ZFHX3: variants seen among roughly 807,000 people sequenced by gnomAD.
ZFHX3 encodes the protein zinc finger homeobox 3.
Under a neutral mutation model 279.1 loss-of-function variants are expected in ZFHX3, and 42 were observed. The observed-to-expected ratio is 0.15, with a 90% CI of 0.12 to 0.19. The LOEUF (loss-of-function observed/expected upper bound fraction) is 0.19, where lower values mean the gene tolerates loss of function less well. Ranked by LOEUF, ZFHX3 falls within the 10% of genes least tolerant of loss-of-function variation. The probability of loss-of-function intolerance (pLI) is 1.00; values close to 1 mark genes in which losing one functional copy is unlikely to be tolerated. For missense variants in ZFHX3, 4,981 were observed against 4,754.0 expected, an observed-to-expected ratio of 1.05 and a Z score of -1.40; for synonymous variants, 2,293 against 1,957.8, an observed-to-expected ratio of 1.17 and a Z score of -4.52.
At chr16:73,604,260 AT>A (rs200204826) in intron 2 of ZFHX3, among the ~76,000 whole-genome samples, 2,283 of 151,612 alleles carry the variant, frequency 0.015, 53 homozygotes, top group African/African-American at 0.052. Flanking sequence ...TTTTTCCCCC[AT>A]TTTTTCCCCC....
intron 5 of ZFHX3, among the ~76,000 whole-genome samples, chr16:73,171,025 A>C (rs929461529): frequency 2.0e-5 from 3 of 152,100 alleles, no homozygotes; most frequent in Admixed American, 6.6e-5. Context: ...CCTGTTATGA[A>C]CTAATTAAAA....
intron 2 of ZFHX3, among the ~76,000 whole-genome samples, chr16:73,483,131 AG>A (rs749652296): frequency 1.1e-4 from 16 of 152,144 alleles, no homozygotes; most frequent in Non-Finnish European, 5.9e-5. Flanking sequence ...GGATCAGCTT[AG>A]GGTCTGGGGG....
chr16:72,985,478 T>C (rs1962805434), intron 1 of ZFHX3, among the ~76,000 whole-genome samples: 1 of 152,134 alleles, frequency 6.6e-6, no homozygotes, highest in Non-Finnish European at 1.5e-5. Flanking sequence ...CACACGTCAA[T>C]TTTTCCCCAG....
chr16:73,093,437 T>G, exon 8 of ZFHX3: 1 of 487,206 alleles, frequency 2.1e-6, no homozygotes, highest in South Asian at 1.5e-5. Context: ...GAGGGCCCCT[T>G]TCGCTCAGCT....
At chr16:73,691,949 G>T (rs9935126) in intron 1 of ZFHX3, among the ~76,000 whole-genome samples, 17,183 of 152,138 alleles carry the variant, frequency 0.11, 1,027 homozygotes, top group African/African-American at 0.13. Flanking sequence ...ACTTCATAGG[G>T]TTTCAAATTT....
At chr16:72,982,695 G>A (rs1029535220) in intron 1 of ZFHX3, among the ~76,000 whole-genome samples, 5 of 152,136 alleles carry the variant, frequency 3.3e-5, no homozygotes, top group South Asian at 2.1e-4. Flanking sequence ...TGGAGGGCCC[G>A]AGAAACAAAT....
At position 73,761,868 on chromosome 16, in the gene ZFHX3, A is replaced by G. The variant is rs373757793; in HGVS notation, c.-1607-81628T>C. ...TAAAGACTTAAATGTAAAGCCCTAA[A>G]CCATAAAAACGCTAGAAAAAAATCT... is the stretch of plus-strand genomic sequence containing the variant. On this transcript the variant is annotated intron_variant, in intron 1 of 17. Coordinates refer to the ZFHX3 transcript ENST00000641206. Among the ~76,000 whole-genome samples, 11 of 152,186 alleles carry G rather than the reference A, an allele frequency of 7.2e-5. No homozygotes were observed. The East Asian group carries it at 1.7e-3, about 24-fold the overall frequency.
At chr16:73,542,098 C>A (rs2020026362) in intron 2 of ZFHX3, among the ~76,000 whole-genome samples, 2 of 151,954 alleles carry the variant, frequency 1.3e-5, no homozygotes, top group African/African-American at 4.8e-5. Flanking sequence ...CCGCGCCCGG[C>A]CCTGTTTGGT....
intron 2 of ZFHX3, among the ~76,000 whole-genome samples, chr16:73,666,765 T>C (rs1366138908): frequency 6.6e-6 from 1 of 151,836 alleles, no homozygotes; most frequent in Non-Finnish European, 1.5e-5. Context: ...TACTCTCAAG[T>C]CAATCCATCT....
chr16:73,082,081 C>T (rs2144766771), intron 8 of ZFHX3, among the ~76,000 whole-genome samples: 1 of 152,052 alleles, frequency 6.6e-6, no homozygotes, highest in African/African-American at 2.4e-5. Context: ...AGGTGATCCA[C>T]CCGCCTCAGT....
At chr16:73,734,160 G>A (rs530745188) in intron 1 of ZFHX3, among the ~76,000 whole-genome samples, 54 of 152,132 alleles carry the variant, frequency 3.5e-4, no homozygotes, top group Non-Finnish European at 7.1e-4. Flanking sequence ...TGGAGCTCAG[G>A]TGGTAATGCT....
upstream of ZFHX3, chr16:73,060,149 A>G (rs1227926149): frequency 6.6e-6 from 1 of 151,928 alleles, no homozygotes; most frequent in Non-Finnish European, 1.5e-5. Context: ...ATAAGAGAGA[A>G]AGCCAATATA....
chr16:73,654,069 A>T (rs2142168379), intron 2 of ZFHX3, among the ~76,000 whole-genome samples: 1 of 152,034 alleles, frequency 6.6e-6, no homozygotes, highest in Admixed American at 6.5e-5. Flanking sequence ...CTGTAGTCCC[A>T]GCTACTCAGG....
intron 2 of ZFHX3, among the ~76,000 whole-genome samples, chr16:73,641,139 A>G (rs1445313151): frequency 6.6e-6 from 1 of 152,218 alleles, no homozygotes; most frequent in Non-Finnish European, 1.5e-5. Context: ...TTAGACAGTT[A>G]AGTTCTCAAG....
intron 3 of ZFHX3, among the ~76,000 whole-genome samples, chr16:73,346,892 C>T (rs553900785): frequency 6.6e-6 from 1 of 152,274 alleles, no homozygotes; most frequent in Admixed American, 6.5e-5. Flanking sequence ...TAACTATTTA[C>T]CACTGTTGTA....
intron 3 of ZFHX3, among the ~76,000 whole-genome samples, chr16:73,449,882 CA>C (rs141005043): frequency 1.5e-4 from 23 of 149,814 alleles, no homozygotes; most frequent in South Asian, 1.5e-3. Context: ...TATATTCTGG[CA>C]AAAAAAAATG....
At chr16:72,886,052 AT>A (rs2038614336) in intron 4 of ZFHX3, among the ~76,000 whole-genome samples, 1 of 152,174 alleles carries the variant, frequency 6.6e-6, no homozygotes, top group South Asian at 2.1e-4. Context: ...CAGGTCCATA[AT>A]GTCCGTTCTC....
chr16:73,654,057 G>A (rs1037082881), intron 2 of ZFHX3, among the ~76,000 whole-genome samples: 3 of 149,928 alleles, frequency 2.0e-5, no homozygotes, highest in Admixed American at 6.6e-5. Flanking sequence ...GGTGGCGGGC[G>A]CCTGTAGTCC....
intron 3 of ZFHX3, among the ~76,000 whole-genome samples, chr16:73,368,018 G>GA (rs1254579548): frequency 5.3e-5 from 8 of 151,980 alleles, no homozygotes; most frequent in Non-Finnish European, 1.2e-4. Flanking sequence ...TTACAGGCAT[G>GA]TGCCACCACA....
Sources: gnomAD v4.1 joint callset for allele counts (sites outside exome capture counted in the v4.1 genomes callset) on GRCh38, gnomAD v4.1.1 for gene constraint, MANE v1.5 for transcripts, NCBI Gene and HGNC (gene_info 2026-07-23, HGNC 2026-07-21) for gene names.